AUTS2: variants seen among roughly 807,000 people sequenced by gnomAD.
The protein encoded by AUTS2 is activator of transcription and developmental regulator AUTS2, also known as autism susceptibility gene 2 protein.
Under a neutral mutation model 112.4 loss-of-function variants are expected in AUTS2, and 17 were observed. The ratio of observed to expected loss-of-function variants is 0.15; its 90% CI spans 0.10 to 0.23. The LOEUF is 0.23. Among genes scored for constraint, AUTS2 ranks in the 10% least tolerant of loss-of-function variants. The probability of loss-of-function intolerance (pLI) is 1.00; values close to 1 mark genes in which losing one functional copy is unlikely to be tolerated. For synonymous variants in AUTS2, 751 were observed against 702.7 expected, an observed-to-expected ratio of 1.07 and a Z score of -1.09; for missense variants, 1,510 against 1,701.6, an observed-to-expected ratio of 0.89 and a Z score of 1.98.
intron 2 of AUTS2, among the ~76,000 whole-genome samples, chr7:69,942,341 A>G (rs1796658513): frequency 6.6e-6 from 1 of 152,194 alleles, no homozygotes; most frequent in African/African-American, 2.4e-5. Flanking sequence ...AATCATATAA[A>G]ACAGGCTTGG....
At chr7:70,349,173 C>T (rs1370794069) in intron 4 of AUTS2, among the ~76,000 whole-genome samples, 1 of 152,102 alleles carries the variant, frequency 6.6e-6, no homozygotes, top group African/African-American at 2.4e-5. Flanking sequence ...GACTTACAGG[C>T]AGTCTGGCTC....
intron 4 of AUTS2, among the ~76,000 whole-genome samples, chr7:70,238,343 C>T (rs77164742): frequency 0.045 from 6,830 of 152,258 alleles, 190 homozygotes; most frequent in East Asian, 0.13. Context: ...TAGTGCTGTC[C>T]GCTTTAGCTT....
At chr7:69,981,586 A>G (rs1798296616) in intron 2 of AUTS2, among the ~76,000 whole-genome samples, 1 of 152,192 alleles carries the variant, frequency 6.6e-6, no homozygotes, top group Admixed American at 6.5e-5. Flanking sequence ...CATTATAACC[A>G]TCCAGATGAG....
intron 4 of AUTS2, among the ~76,000 whole-genome samples, chr7:70,257,067 G>A (rs1786913190): frequency 1.3e-5 from 2 of 152,186 alleles, no homozygotes; most frequent in Admixed American, 1.3e-4. Flanking sequence ...GTCCTTACAT[G>A]ATGGTCCGGG....
chr7:70,334,026 A>G (rs1441025321), intron 4 of AUTS2, among the ~76,000 whole-genome samples: 1 of 152,176 alleles, frequency 6.6e-6, no homozygotes, highest in Non-Finnish European at 1.5e-5. Context: ...TAATTTTATT[A>G]GCTTTGGATT....
intron 4 of AUTS2, among the ~76,000 whole-genome samples, chr7:70,305,279 C>A (rs1789441426): frequency 6.6e-6 from 1 of 152,206 alleles, no homozygotes. Flanking sequence ...TAGGCTGTCA[C>A]ATTTCACTCC....
At chr7:69,872,933 G>T (rs895618184) in intron 1 of AUTS2, among the ~76,000 whole-genome samples, 2 of 137,028 alleles carry the variant, frequency 1.5e-5, no homozygotes, top group African/African-American at 5.6e-5. Context: ...ACCTTAGCCT[G>T]CCAGGTTCAA....
At chr7:70,339,909 C>T (rs910923926) in intron 4 of AUTS2, among the ~76,000 whole-genome samples, 13 of 151,974 alleles carry the variant, frequency 8.6e-5, no homozygotes, top group Admixed American at 2.6e-4. Flanking sequence ...GGCAAAATAC[C>T]GCTGATGTAC....
intron 1 of AUTS2, among the ~76,000 whole-genome samples, chr7:69,601,917 G>A (rs1276806282): frequency 6.6e-6 from 1 of 151,846 alleles, no homozygotes; most frequent in Non-Finnish European, 1.5e-5. Flanking sequence ...CTGGTTACAA[G>A]TGGTTCTGCT....
intron 4 of AUTS2, among the ~76,000 whole-genome samples, chr7:70,400,159 A>G (rs1257739204): frequency 6.6e-6 from 1 of 152,186 alleles, no homozygotes; most frequent in Non-Finnish European, 1.5e-5. Context: ...TAGCAAATAT[A>G]TGGAAGAACC....
intron 5 of AUTS2, among the ~76,000 whole-genome samples, chr7:70,636,193 C>T (rs145758997): frequency 9.2e-5 from 14 of 152,290 alleles, no homozygotes; most frequent in East Asian, 1.9e-4. Flanking sequence ...AGGAGTGGCC[C>T]GGGCAAGGTG....
intron 4 of AUTS2, among the ~76,000 whole-genome samples, chr7:70,139,045 A>T (rs916213329): frequency 6.6e-6 from 1 of 152,138 alleles, no homozygotes; most frequent in Non-Finnish European, 1.5e-5. Flanking sequence ...AGCTCACTGC[A>T]GCCTCAGCCT....
intron 2 of AUTS2, among the ~76,000 whole-genome samples, chr7:69,921,883 T>C (rs1795831777): frequency 1.3e-5 from 2 of 151,316 alleles, no homozygotes; most frequent in African/African-American, 4.9e-5. Flanking sequence ...CTGACCATTA[T>C]GGAGAAACCC....
At chr7:70,565,532 T>C (rs1186890191) in intron 5 of AUTS2, among the ~76,000 whole-genome samples, 2 of 151,952 alleles carry the variant, frequency 1.3e-5, no homozygotes, top group Non-Finnish European at 2.9e-5. Flanking sequence ...ATACAAAAAT[T>C]AGCCCAGTGT....
intron 1 of AUTS2, among the ~76,000 whole-genome samples, chr7:69,868,543 T>C (rs1793340457): frequency 6.6e-6 from 1 of 152,180 alleles, no homozygotes; most frequent in African/African-American, 2.4e-5. Flanking sequence ...ACAAACTAAT[T>C]ATGAAGCTAA....
intron 1 of AUTS2, among the ~76,000 whole-genome samples, chr7:69,721,405 C>T (rs1798929327): frequency 6.6e-6 from 1 of 152,218 alleles, no homozygotes; most frequent in Non-Finnish European, 1.5e-5. Flanking sequence ...TTCCGCTTTT[C>T]TTCATAGCAC....
chr7:69,704,503 C>A (rs1184864190), intron 1 of AUTS2, among the ~76,000 whole-genome samples: 1 of 152,122 alleles, frequency 6.6e-6, no homozygotes, highest in African/African-American at 2.4e-5. Flanking sequence ...TGGTCTTGAT[C>A]TTCTGACCTC....
At chr7:69,831,039 A>G (rs1189033574) in intron 1 of AUTS2, among the ~76,000 whole-genome samples, 4 of 152,200 alleles carry the variant, frequency 2.6e-5, no homozygotes, top group Admixed American at 6.5e-5. Context: ...ACAGCCTGGT[A>G]CTGGAGTCAG....
chr7:70,698,729 G>C, intron 6 of AUTS2, 109 bp downstream of exon 6: 1 of 893,614 alleles, frequency 1.1e-6, no homozygotes, highest in East Asian at 2.6e-5. Flanking sequence ...TAATTCTGAA[G>C]CTACTGTTGA....
Sources: gnomAD v4.1 joint callset for allele counts (sites outside exome capture counted in the v4.1 genomes callset) on GRCh38, gnomAD v4.1.1 for gene constraint, MANE v1.5 for transcripts, NCBI Gene and HGNC (gene_info 2026-07-23, HGNC 2026-07-21) for gene names.